RNF115: variants seen among roughly 807,000 people sequenced by gnomAD.
RNF115 encodes ring finger protein 115.
RNF115 carries 31 observed loss-of-function variants against 39.2 expected under a neutral mutation model. The ratio of observed to expected loss-of-function variants is 0.79; its 90% confidence interval spans 0.59 to 1.07. The LOEUF (loss-of-function observed/expected upper bound fraction) is 1.07, where lower values mean the gene tolerates loss of function less well. Among genes scored for constraint, RNF115 ranks in the 50% least tolerant of loss-of-function variants. The pLI, the probability that RNF115 is intolerant of heterozygous loss-of-function variation, is 0.00. For missense variants in RNF115, 384 were observed against 381.7 expected (o/e 1.01, Z -0.05); for synonymous variants, 124 against 131.0 (o/e 0.95, Z 0.37).
At chr1:145,796,730 T>C (rs973920535) in intron 1 of RNF115, among the ~76,000 whole-genome samples, 1 of 151,922 alleles carries the variant, frequency 6.6e-6, no homozygotes, top group African/African-American at 2.4e-5. Flanking sequence ...GTGTTAAGTA[T>C]ATTCACACTG....
At chr1:145,762,899 TA>T (rs1559108523) in intron 4 of RNF115, among the ~76,000 whole-genome samples, 1 of 152,138 alleles carries the variant, frequency 6.6e-6, no homozygotes, top group Non-Finnish European at 1.5e-5. Context: ...CTAAGCAACT[TA>T]ACACAGAAAA....
intron 4 of RNF115, among the ~76,000 whole-genome samples, chr1:145,767,956 GAGA>G (rs1647442746): frequency 4.6e-5 from 7 of 152,084 alleles, no homozygotes; most frequent in Admixed American, 3.3e-4. Context: ...ATCAGAGACA[GAGA>G]GAGACCATGG....
chr1:145,822,324 AAAG>A (rs1201555696), intron 1 of RNF115, among the ~76,000 whole-genome samples: 1 of 151,074 alleles, frequency 6.6e-6, no homozygotes, highest in Non-Finnish European at 1.5e-5. Flanking sequence ...AAAAAAAAAA[AAAG>A]AAAAAAGAAA....
At chr1:145,795,183 G>A (rs1553719755) in intron 1 of RNF115, among the ~76,000 whole-genome samples, 4 of 151,884 alleles carry the variant, frequency 2.6e-5, no homozygotes, top group Non-Finnish European at 5.9e-5. Flanking sequence ...TGGCACGTCC[G>A]GAATTGTTTG....
At chr1:145,794,802 A>C (rs587621774) in intron 1 of RNF115, among the ~76,000 whole-genome samples, 1 of 151,828 alleles carries the variant, frequency 6.6e-6, no homozygotes, top group South Asian at 2.1e-4. Flanking sequence ...TGGATCACAA[A>C]GTCAGGAGAT....
chr1:145,781,761 G>A (rs1018957491), intron 3 of RNF115, among the ~76,000 whole-genome samples: 1 of 152,114 alleles, frequency 6.6e-6, no homozygotes, highest in African/African-American at 2.4e-5. Context: ...TTGAGCTCAG[G>A]CAATCTGGTT....
chr1:145,809,356 T>G (rs908784125), intron 1 of RNF115, among the ~76,000 whole-genome samples: 12 of 151,524 alleles, frequency 7.9e-5, no homozygotes, highest in Non-Finnish European at 2.9e-5. Flanking sequence ...CCAGCTAATT[T>G]TTGTACTTTT....
At chr1:145,770,084 A>G (rs782656614) in intron 4 of RNF115, among the ~76,000 whole-genome samples, 3 of 152,246 alleles carry the variant, frequency 2.0e-5, no homozygotes, top group Non-Finnish European at 4.4e-5. Flanking sequence ...AGAAAACATT[A>G]GAAAACCTAC....
At chr1:145,816,503 TA>T (rs1177359202) in intron 1 of RNF115, among the ~76,000 whole-genome samples, 19 of 93,658 alleles carry the variant, frequency 2.0e-4, no homozygotes, top group Admixed American at 4.6e-4. Context: ...CATGTGGCTT[TA>T]AAAAAAAAGG....
intron 1 of RNF115, among the ~76,000 whole-genome samples, chr1:145,812,573 T>C (rs1649778754): frequency 1.3e-5 from 2 of 151,592 alleles, no homozygotes; most frequent in African/African-American, 4.9e-5. Flanking sequence ...GGCACAAGAA[T>C]TGCTTGAACG....
At chr1:145,815,132 G>C (rs1188171756) in intron 1 of RNF115, among the ~76,000 whole-genome samples, 1 of 152,296 alleles carries the variant, frequency 6.6e-6, no homozygotes, top group Non-Finnish European at 1.5e-5. Context: ...TGGGTGGTTT[G>C]AACATTTTCC....
At chr1:145,761,127 G>A (rs1238001661) in intron 4 of RNF115, among the ~76,000 whole-genome samples, 1 of 152,218 alleles carries the variant, frequency 6.6e-6, no homozygotes, top group African/African-American at 2.4e-5. Flanking sequence ...CATTCAGGAG[G>A]TAACTTGGGT....
At chr1:145,780,142 C>T (rs1349295642) in intron 3 of RNF115, among the ~76,000 whole-genome samples, 1 of 151,912 alleles carries the variant, frequency 6.6e-6, no homozygotes, top group Non-Finnish European at 1.5e-5. Context: ...GTGAGAGAAT[C>T]ACTAGAACCC....
chr1:145,789,102 GTTTTTT>G (rs797033513), intron 1 of RNF115, 136 bp from the exon 2 acceptor site: 2 of 425,204 alleles, frequency 4.7e-6, no homozygotes, highest in African/African-American at 4.2e-5. Context: ...AGTAGTTTTT[GTTTTTT>G]TTTTTCTTTT....
chr1:145,819,934 A>C (rs1553724181), intron 1 of RNF115, among the ~76,000 whole-genome samples: 1 of 151,784 alleles, frequency 6.6e-6, no homozygotes, highest in African/African-American at 2.4e-5. Context: ...GGTATCTGGG[A>C]GGCTGAGGCA....
Position 145,767,819 on chromosome 1 carries a change from G to A in RNF115, c.428+3892C>T, listed in dbSNP as rs10910838. ...AACCCCGTCTCCACCATAAAAATAC[G>A]AAAACCAGTCAGGCGTGGCGGCGCG... On this transcript the variant is annotated intron_variant, in intron 4 of 8. Transcript: ENST00000582693. Among the ~76,000 whole-genome samples, 384 of 152,368 alleles carry A rather than the reference G, an allele frequency of 2.5e-3. 2 individuals carry two copies. The highest frequency in any genetic ancestry group is 8.5e-3 in the African/African-American group (354 of 41,598).
chr1:145,765,027 CTG>C (rs1658713750), intron 4 of RNF115, among the ~76,000 whole-genome samples: 1 of 152,230 alleles, frequency 6.6e-6, no homozygotes, highest in South Asian at 2.1e-4. Context: ...GTTGTTGTGT[CTG>C]TGTAGAAAGA....
intron 1 of RNF115, among the ~76,000 whole-genome samples, chr1:145,814,581 TAAA>T (rs879991996): frequency 7.0e-6 from 1 of 142,392 alleles, no homozygotes. Flanking sequence ...AAACTCCGTT[TAAA>T]AAAAAAAAAA....
chr1:145,787,614 C>T (rs1418882214), intron 2 of RNF115, among the ~76,000 whole-genome samples: 2 of 148,204 alleles, frequency 1.3e-5, no homozygotes, highest in Admixed American at 6.8e-5. Context: ...AGGTTGGGCA[C>T]GGTGGCTCAT....
Sources: gnomAD v4.1 joint callset for allele counts (sites outside exome capture counted in the v4.1 genomes callset) on GRCh38, gnomAD v4.1.1 for gene constraint, MANE v1.5 for transcripts, NCBI Gene and HGNC (gene_info 2026-07-23, HGNC 2026-07-21) for gene names.